Variants in TIPRL observed in about 807,000 individuals in gnomAD.
TIPRL encodes TOR signaling pathway regulator, also known as TIP41-like protein.
TIPRL carries 10 observed loss-of-function variants against 32.3 expected under a neutral mutation model. The ratio of observed to expected loss-of-function variants is 0.31; its 90% CI spans 0.19 to 0.52. The LOEUF is 0.52. Among genes scored for constraint, TIPRL ranks in the 20% least tolerant of loss-of-function variants. TIPRL has a pLI of 0.96. For missense variants in TIPRL, 250 were observed against 328.1 expected, an observed-to-expected ratio of 0.76 and a Z score of 1.84; for synonymous variants, 100 against 114.0, an observed-to-expected ratio of 0.88 and a Z score of 0.78.
rs1700184260 is a variant in TIPRL, at chr1:168,199,040, T to G, written c.675+59T>G. Reference sequence around the variant, plus strand: ...TTTTAATGTTTCATTTTAATTTAAGTAGCATATACCCCTGACCCCAACCAC... The same window carrying G: ...TTTTAATGTTTCATTTTAATTTAAGGAGCATATACCCCTGACCCCAACCAC... On this transcript the variant is annotated intron_variant, in intron 6 of 6. Transcript: ENST00000367833. 76 of 1,365,536 alleles carry G rather than the reference T, an allele frequency of 5.6e-5. No homozygotes were observed. The South Asian group carries it at 9.3e-4, about 17-fold the overall frequency. The allele number at this position is 1,365,536 out of a possible 1,614,324, so 84.6% of individuals were successfully genotyped here.
At chr1:168,184,981 C>T in intron 3 of TIPRL, 103 bp downstream of exon 3, 1 of 688,618 alleles carries the variant, frequency 1.5e-6, no homozygotes, top group Non-Finnish European at 2.4e-6. Context: ...TTTTTATCGT[C>T]CTTGTTTTCT....
At position 168,200,038 on chromosome 1, in the gene TIPRL, G is replaced by A. The variant is rs1372338072; in HGVS notation, c.811G>A (p.Val271Met). ...AGCAGACTCACAAAAAAGTACACAA[G>A]TGGAATAAAATGTGATACAACATAT... ...NPADSQKSTQ[V>M]E Residue 271 changes from valine to methionine, a missense_variant, in exon 7 of 7, where the codon GTG becomes ATG. Coordinates refer to ENST00000367833, the MANE Select transcript of TIPRL (RefSeq NM_152902.5). 1 of 1,612,978 alleles carries A rather than the reference G, an allele frequency of 6.2e-7. No individual in the cohort carries two copies. Among genetic ancestry groups the A allele is most frequent in the African/African-American group, 1.3e-5 (1 of 74,872 alleles).
rs545000660 is a variant in TIPRL at position 168,189,668 on chromosome 1, TA to T, written c.385-1700del. On this transcript the variant is annotated intron_variant, in intron 3 of 6. Transcript: ENST00000367833. ...CCCATATGTTTTATATTTAGCTGGTTATTTTTTTTTTGTTGTATTTTTTAGA... is the reference window on the plus strand; with the variant it reads ...CCCATATGTTTTATATTTAGCTGGTTTTTTTTTTTTGTTGTATTTTTTAGA... Among the ~76,000 whole-genome samples the T allele has an allele frequency of 1.8e-3, 276 of 152,304 alleles. 1 individual carries two copies. Among genetic ancestry groups the T allele is most frequent in the Middle Eastern group, 3.4e-3 (1 of 294 alleles).
intron 4 of TIPRL, among the ~76,000 whole-genome samples, chr1:168,192,627 G>T (rs191085909): frequency 2.0e-5 from 3 of 152,312 alleles, no homozygotes; most frequent in African/African-American, 7.2e-5. Flanking sequence ...GGCCGGGCGC[G>T]GTGGCCCATG....
rs751488353 is a variant in TIPRL at position 168,196,626 on chromosome 1, C to G, written c.596C>G (p.Thr199Arg). Residue 199 changes from threonine (T) to arginine (R), a missense_variant, in exon 5 of 7, where the codon ACG becomes AGG. Physicochemically the swap from Thr to Arg is moderately conservative, Grantham distance 71. Transcript: ENST00000367833. ...GGGGTGCTTATCAGAATGAATGACA[C>G]GAGACTTTACCATGAGGTATTTATT... is the stretch of plus-strand genomic sequence containing the variant. ...IDGVLIRMNDTRLYHEADKTY... is the reference protein window; with the variant it reads ...IDGVLIRMNDRRLYHEADKTY... The G allele has an allele frequency of 6.3e-7, 1 of 1,595,832 alleles. No homozygotes were observed. The highest frequency in any genetic ancestry group is 8.5e-7 in the Non-Finnish European group (1 of 1,171,512).
chr1:168,200,169 G>GAA lies in TIPRL; in HGVS notation c.*131_*132dup. 1 of 1,061,612 alleles carries GAA rather than the reference G, an allele frequency of 9.4e-7. No individual in the cohort carries two copies. The highest frequency in any genetic ancestry group is 1.3e-6 in the Non-Finnish European group (1 of 776,776). The allele number at this position is 1,061,612 out of a possible 1,614,324, so 65.8% of individuals were successfully genotyped here. ...GTACAGATTTTCTGTAGCCTTAAAG[G>GAA]AAAAAAAAATAAAGATCGTTACAGG... On this transcript the variant is annotated 3_prime_UTR_variant, in exon 7 of 7. Transcript: ENST00000367833.
At chr1:168,183,410 G>T (rs750860372) in intron 1 of TIPRL, among the ~76,000 whole-genome samples, 3 of 132,380 alleles carry the variant, frequency 2.3e-5, no homozygotes, top group African/African-American at 3.2e-5. Flanking sequence ...TGTTGCCCCA[G>T]GGTGAAATGT....
In TIPRL at chr1:168,184,033, A is replaced by G; in HGVS notation, c.236A>G (p.Tyr79Cys). The change falls in exon 2 of 7, where the codon TAC becomes TGC. Residue 79 changes from tyrosine (Y) to cysteine (C), a missense_variant. By Grantham distance (194) the Tyr-to-Cys change is radical. Transcript: ENST00000367833. ...GATGCGTTAAGATGTGTAAACAACT[A>G]CCAAGGAATGCTTAAAGTGGCCTGT... ...ATDALRCVNN[Y>C]QGMLKVACAE... The G allele has an allele frequency of 6.2e-7, 1 of 1,614,120 alleles. No homozygotes were observed. Among genetic ancestry groups the G allele is most frequent in the Non-Finnish European group, 8.5e-7 (1 of 1,179,954 alleles).
At chr1:168,195,617 C>G (rs972668252) in intron 4 of TIPRL, among the ~76,000 whole-genome samples, 3 of 152,172 alleles carry the variant, frequency 2.0e-5, no homozygotes, top group African/African-American at 7.2e-5. Flanking sequence ...CTCTGTTGCC[C>G]AGGCTGGAGT....
chr1:168,199,891 T>C lies in TIPRL; in HGVS notation c.676-12T>C. On this transcript the variant is annotated splice_polypyrimidine_tract_variant and intron_variant, in intron 6 of 6. Coordinates refer to ENST00000367833, the MANE Select transcript of TIPRL (RefSeq NM_152902.5). ...TAACTGAATATGCTAATATGATTTA[T>C]GTATTTCCTAGCATGTTCCACCTTC... 6.2e-7 allele frequency: 1 copy of C among 1,609,582 alleles called. No homozygotes were observed.
At chr1:168,182,099 T>A (rs1049733831) in intron 1 of TIPRL, among the ~76,000 whole-genome samples, 1 of 149,576 alleles carries the variant, frequency 6.7e-6, no homozygotes, top group Non-Finnish European at 1.5e-5. Context: ...TGCCTTTTTT[T>A]ATATGACAAA....
At chr1:168,183,377 ATT>A (rs55731463) in intron 1 of TIPRL, among the ~76,000 whole-genome samples, 7 of 129,734 alleles carry the variant, frequency 5.4e-5, no homozygotes, top group Admixed American at 8.1e-5. Context: ...AATTCCTGTG[ATT>A]TTTTTTTTTT....
Position 168,200,197 on chromosome 1 carries a change from G to T in TIPRL, c.*151G>T. Reference sequence around the variant, plus strand: ...AAAAAAATAAAGATCGTTACAGGCAGGTTTCACTCAACTGCTGTTTGTACT... The same window carrying T: ...AAAAAAATAAAGATCGTTACAGGCATGTTTCACTCAACTGCTGTTTGTACT... On this transcript the variant is annotated 3_prime_UTR_variant, in exon 7 of 7. Transcript: ENST00000367833. 4 of 767,522 alleles carry T rather than the reference G, an allele frequency of 5.2e-6. No individual in the cohort carries two copies. Among genetic ancestry groups the T allele is most frequent in the Admixed American group, 3.2e-5 (1 of 30,908 alleles). The allele number at this position is 767,522 out of a possible 1,614,324, so 47.5% of individuals were successfully genotyped here.
At chr1:168,193,233 T>G (rs2102311697) in intron 4 of TIPRL, among the ~76,000 whole-genome samples, 1 of 152,210 alleles carries the variant, frequency 6.6e-6, no homozygotes, top group Non-Finnish European at 1.5e-5. Flanking sequence ...TAAAATTAGT[T>G]TTTTCGGTGG....
chr1:168,183,791 T>C (rs1443810603), intron 1 of TIPRL, 111 bp from the exon 2 acceptor site: 11 of 1,082,458 alleles, frequency 1.0e-5, no homozygotes, highest in East Asian at 4.8e-5. Context: ...GATTAAATCA[T>C]GTGCTGTGTA....
chr1:168,190,057 A>C (rs913072687), intron 3 of TIPRL, among the ~76,000 whole-genome samples: 4 of 152,264 alleles, frequency 2.6e-5, no homozygotes, highest in African/African-American at 9.6e-5. Flanking sequence ...GACGAAATTT[A>C]CAAGTGTGTG....
chr1:168,180,820 CTTTT>C (rs71118909), intron 1 of TIPRL, among the ~76,000 whole-genome samples: 1 of 124,166 alleles, frequency 8.1e-6, no homozygotes, highest in Non-Finnish European at 1.7e-5. Context: ...TTTTTTATAA[CTTTT>C]TTTTTTTTTT....
At chr1:168,188,727 C>G (rs1447964784) in intron 3 of TIPRL, among the ~76,000 whole-genome samples, 1 of 152,082 alleles carries the variant, frequency 6.6e-6, no homozygotes, top group Admixed American at 6.6e-5. Flanking sequence ...TACCTGAATC[C>G]CAATACTTTA....
intron 1 of TIPRL, among the ~76,000 whole-genome samples, chr1:168,181,043 C>T (rs1214735692): frequency 6.6e-6 from 1 of 151,848 alleles, no homozygotes; most frequent in Non-Finnish European, 1.5e-5. Context: ...AGTGCAGTGG[C>T]ACAGTCTCAG....
Sources: gnomAD v4.1 joint callset for allele counts (sites outside exome capture counted in the v4.1 genomes callset) on GRCh38, gnomAD v4.1.1 for gene constraint, MANE v1.5 for transcripts, NCBI Gene and HGNC (gene_info 2026-07-23, HGNC 2026-07-21) for gene names.